The following SLC25A24 variants were observed in gnomAD, a reference collection of about 807,000 sequenced individuals.
SLC25A24 encodes mitochondrial adenyl nucleotide antiporter SLC25A24.
SLC25A24 carries 49 observed loss-of-function variants against 60.7 expected under a neutral mutation model. That is an observed-to-expected ratio of 0.81 (90% CI 0.64 to 1.02). The LOEUF (loss-of-function observed/expected upper bound fraction) is 1.02. Among genes scored for constraint, SLC25A24 ranks in the 50% least tolerant of loss-of-function variants. The pLI is 0.00. For synonymous variants in SLC25A24, 202 were observed against 200.6 expected, an observed-to-expected ratio of 1.01 and a Z score of -0.06; for missense variants, 564 against 586.3, an observed-to-expected ratio of 0.96 and a Z score of 0.39.
intron 3 of SLC25A24, among the ~76,000 whole-genome samples, chr1:108,175,774 TTGC>T (rs1276115992): frequency 2.6e-5 from 4 of 152,226 alleles, no homozygotes; most frequent in Non-Finnish European, 4.4e-5. Context: ...CCTTCATTCA[TTGC>T]TGCTGGGATT....
Position 108,179,122 on chromosome 1 carries a change from CAA to C in SLC25A24, c.398+2817_398+2818del, listed in dbSNP as rs199592657. Among the ~76,000 whole-genome samples, 258 of 84,408 alleles carry C rather than the reference CAA, an allele frequency of 3.1e-3. 1 individual carries two copies. The highest frequency in any genetic ancestry group is 0.01 in the African/African-American group (250 of 24,132). 55.4% of individuals were successfully genotyped at this position (84,408 alleles called of 152,430 possible). A position where few individuals can be genotyped will look rare whatever the true frequency, so the allele number is the denominator to read the frequency against. Reference sequence around the variant, plus strand: ...AAGACATACAAATGGCCAAAAAGTACAAAAAAAAAAAAAAAGCTCGATATCAC... The same window carrying C: ...AAGACATACAAATGGCCAAAAAGTACAAAAAAAAAAAAAGCTCGATATCAC... On this transcript the variant is annotated intron_variant, in intron 3 of 9. Transcript: ENST00000565488.
chr1:108,140,777 G>T (rs1571276420), intron 8 of SLC25A24, among the ~76,000 whole-genome samples: 1 of 145,974 alleles, frequency 6.9e-6, no homozygotes, highest in South Asian at 2.1e-4. Context: ...TCTATAGAAT[G>T]CACACAAAGG....
At position 108,192,590 on chromosome 1, in the gene SLC25A24, T is replaced by C. The variant is rs79735952; in HGVS notation, c.184-6636A>G. On this transcript the variant is annotated intron_variant, in intron 1 of 9. Coordinates refer to ENST00000565488, the MANE Select transcript of SLC25A24 (RefSeq NM_013386.5). ...GGTCCCATCCTTGTTATAGTCCAGG[T>C]ACCAAAAGAGATCTCCGTAGAGGGA... 2.8e-3 allele frequency: 4,199 copies of C among 1,497,910 alleles called. 505 individuals carry two copies. The African/African-American group carries it at 0.05, about 18-fold the overall frequency. The allele number at this position is 1,497,910 out of a possible 1,614,324, so 92.8% of individuals were successfully genotyped here.
At chr1:108,167,657 C>T (rs570488474) in intron 3 of SLC25A24, among the ~76,000 whole-genome samples, 415 of 152,234 alleles carry the variant, frequency 2.7e-3, no homozygotes, top group African/African-American at 9.3e-3. Context: ...GGCTCGCGCA[C>T]GGTGCGCACA....
At position 108,136,630 on chromosome 1, in the gene SLC25A24, A is replaced by G; in HGVS notation, c.*23T>C. On this transcript the variant is annotated 3_prime_UTR_variant, in exon 10 of 10. Transcript: ENST00000565488. ...GAGATTGTTGAAAGTTTCAATTATC[A>G]GGCTAAAGCAAAAAATGCAACATCA... 2 of 1,594,088 alleles carry G rather than the reference A, an allele frequency of 1.3e-6. No homozygotes were observed. The highest frequency in any genetic ancestry group is 1.7e-6 in the Non-Finnish European group (2 of 1,165,714).
chr1:108,170,391 A>G (rs1465961275), intron 3 of SLC25A24, among the ~76,000 whole-genome samples: 9 of 152,252 alleles, frequency 5.9e-5, no homozygotes, highest in Non-Finnish European at 2.9e-5. Flanking sequence ...TATGAAATCA[A>G]TTTTTATACA....
rs377138462 is a variant in SLC25A24 at position 108,136,698 on chromosome 1, C to A, written c.1389G>T (p.Val463=). 121 of 1,614,098 alleles carry A rather than the reference C, an allele frequency of 7.5e-5. No individual in the cohort carries two copies. The Middle Eastern group carries it at 9.9e-4, about 13-fold the overall frequency. Residue 463 remains valine (V), a synonymous_variant, in exon 10 of 10, where the codon GTG becomes GTT. Coordinates refer to ENST00000565488, the MANE Select transcript of SLC25A24 (RefSeq NM_013386.5). ...AAGTTTGCTTCATATTTTCATAAAC[C>A]ACATAACTGATGCCTACAGCAGGGA... is the stretch of plus-strand genomic sequence containing the variant. ...KVLPAVGISY[V]VYENMKQTLG...
chr1:108,144,618 C>A (rs1463474320), intron 7 of SLC25A24, among the ~76,000 whole-genome samples: 2 of 152,014 alleles, frequency 1.3e-5, no homozygotes, highest in Non-Finnish European at 2.9e-5. Flanking sequence ...GTGTGATGTT[C>A]CCCTCCCTGT....
chr1:108,195,171 G>A (rs562806396), intron 1 of SLC25A24, among the ~76,000 whole-genome samples: 108 of 143,612 alleles, frequency 7.5e-4, no homozygotes, highest in African/African-American at 2.6e-3. Context: ...ATGTTGTCTT[G>A]TGGAAGCTTC....
intron 3 of SLC25A24, among the ~76,000 whole-genome samples, chr1:108,165,003 C>T (rs1095993): frequency 0.69 from 96,648 of 139,486 alleles, 33,937 homozygotes; most frequent in Middle Eastern, 0.8. Flanking sequence ...TCTTTGTTCT[C>T]GTTGGTTTCA....
intron 9 of SLC25A24, among the ~76,000 whole-genome samples, chr1:108,138,280 A>G (rs902975243): frequency 1.3e-5 from 2 of 152,204 alleles, no homozygotes; most frequent in Non-Finnish European, 2.9e-5. Context: ...GTATTTGCCA[A>G]TTAGTTACTG....
chr1:108,142,221 A>G (rs913686536), intron 8 of SLC25A24, among the ~76,000 whole-genome samples: 3 of 152,198 alleles, frequency 2.0e-5, no homozygotes, highest in Admixed American at 2.0e-4. Context: ...TAGTTCCTAA[A>G]AGCTAAACAC....
chr1:108,176,142 G>A (rs772890470), intron 3 of SLC25A24, among the ~76,000 whole-genome samples: 44 of 151,832 alleles, frequency 2.9e-4, no homozygotes, highest in Admixed American at 5.9e-4. Flanking sequence ...GGAAAATAAC[G>A]AGTGACCACA....
At position 108,148,354 on chromosome 1, in the gene SLC25A24, T is replaced by C; in HGVS notation, c.855A>G (p.Lys285=). ...AAATAAATCTCTCAAATGTTCCTAT[T>C]TTTTGTCCTTCTTCAGTAAGTAACT... ...YKKLLTEEGQ[K]IGTFERFISG... Residue 285 remains lysine, a synonymous_variant, in exon 7 of 10, where the codon AAA becomes AAG. Transcript: ENST00000565488. 3.1e-6 allele frequency: 5 copies of C among 1,612,750 alleles called. No individual in the cohort carries two copies. The highest frequency in any genetic ancestry group is 4.2e-6 in the Non-Finnish European group (5 of 1,178,810).
At chr1:108,183,470 GA>G (rs1355207148) in intron 2 of SLC25A24, among the ~76,000 whole-genome samples, 11 of 152,102 alleles carry the variant, frequency 7.2e-5, no homozygotes, top group Non-Finnish European at 1.6e-4. Flanking sequence ...GTTCCTACAG[GA>G]AAAACAGGGT....
intron 3 of SLC25A24, among the ~76,000 whole-genome samples, chr1:108,175,311 T>C (rs1045138784): frequency 2.6e-5 from 4 of 152,170 alleles, no homozygotes; most frequent in African/African-American, 4.8e-5. Flanking sequence ...AGGGTTTTTT[T>C]CCCTCTTTGC....
In SLC25A24 at chr1:108,199,895, G is replaced by C. The variant is rs761017948; in HGVS notation, c.183+61C>G. The C allele has an allele frequency of 8.8e-4, 1,183 of 1,342,720 alleles. 2 individuals are homozygous for C. Among genetic ancestry groups the C allele is most frequent in the Non-Finnish European group, 1.2e-3 (1,148 of 966,844 alleles). 83.2% of individuals were successfully genotyped at this position (1,342,720 alleles called of 1,614,324 possible). A position where few individuals can be genotyped will look rare whatever the true frequency, so the allele number is the denominator to read the frequency against. On this transcript the variant is annotated intron_variant, in intron 1 of 9. Transcript: ENST00000565488. ...CAAGCCGCCGCCCTCCTCGGTCCTCGCAGTGTCCCCAGCGCCCGCAGCCCT... is the reference window on the plus strand; with the variant it reads ...CAAGCCGCCGCCCTCCTCGGTCCTCCCAGTGTCCCCAGCGCCCGCAGCCCT...
At chr1:108,197,551 T>C (rs1461089486) in intron 1 of SLC25A24, among the ~76,000 whole-genome samples, 2 of 152,328 alleles carry the variant, frequency 1.3e-5, no homozygotes, top group South Asian at 2.1e-4. Flanking sequence ...CCCATAAAGG[T>C]TGACTGTGTA....
intron 4 of SLC25A24, among the ~76,000 whole-genome samples, chr1:108,158,234 G>T (rs1398123891): frequency 6.6e-6 from 1 of 152,106 alleles, no homozygotes; most frequent in Non-Finnish European, 1.5e-5. Flanking sequence ...GAGAGGTATT[G>T]TTTCAAATCA....
Sources: allele counts gnomAD v4.1 joint callset (sites outside exome capture counted in the v4.1 genomes callset), GRCh38; gene constraint gnomAD v4.1.1; transcripts MANE v1.5; gene names NCBI Gene and HGNC (gene_info 2026-07-23, HGNC 2026-07-21).